DYRK1A: variants seen among roughly 807,000 people sequenced by gnomAD.
The protein encoded by DYRK1A is dual specificity tyrosine phosphorylation regulated kinase 1A.
Under a neutral mutation model 79.7 loss-of-function variants are expected in DYRK1A, and 9 were observed. The observed-to-expected ratio is 0.11, with a 90% CI of 0.07 to 0.20. The LOEUF (loss-of-function observed/expected upper bound fraction) is 0.20. DYRK1A is among the 10% of genes least tolerant of loss of function. The probability of loss-of-function intolerance (pLI) is 1.00; values close to 1 mark genes in which losing one functional copy is unlikely to be tolerated. For missense variants in DYRK1A, 622 were observed against 956.0 expected (o/e 0.65, Z 4.61); for synonymous variants, 349 against 329.7 (o/e 1.06, Z -0.63).
chr21:37,449,654 GT>G (rs2062760536), intron 2 of DYRK1A, among the ~76,000 whole-genome samples: 1 of 152,176 alleles, frequency 6.6e-6, no homozygotes, highest in Admixed American at 6.5e-5. Context: ...CTTTCGTGTG[GT>G]CAAGGTAAAC....
At chr21:37,478,127 A>G in intron 3 of DYRK1A, 81 bp from the exon 4 acceptor site, 1 of 1,585,272 alleles carries the variant, frequency 6.3e-7, no homozygotes, top group East Asian at 2.3e-5. Flanking sequence ...CAGGTTACAG[A>G]AGAGGGAATT....
intron 1 of DYRK1A, among the ~76,000 whole-genome samples, chr21:37,389,015 T>C (rs1287877551): frequency 6.6e-6 from 1 of 151,050 alleles, no homozygotes; most frequent in Non-Finnish European, 1.5e-5. Flanking sequence ...TGGAGTGCAG[T>C]GGCCAAAAAA....
In DYRK1A at chr21:37,386,528, A is replaced by G. The variant is rs370969761; in HGVS notation, c.-77+18900A>G. On this transcript the variant is annotated intron_variant, in intron 1 of 11. Transcript: ENST00000647188. ...TGTGTGCCACACACAACAGTTGGCA[A>G]GCTCTGCCCTATAGGTAATCACTTT... Among the ~76,000 whole-genome samples the G allele has an allele frequency of 1.2e-4, 18 of 152,366 alleles. No individual in the cohort carries two copies. In the East Asian group the frequency reaches 1.4e-3, roughly 11 times the overall value.
intron 1 of DYRK1A, among the ~76,000 whole-genome samples, chr21:37,384,434 G>GTC (rs2049719968): frequency 1.3e-5 from 2 of 152,266 alleles, no homozygotes; most frequent in East Asian, 3.9e-4. Context: ...GAAGAGTTAT[G>GTC]TCTTGGTAGT....
intron 1 of DYRK1A, among the ~76,000 whole-genome samples, chr21:37,389,268 A>AT (rs2049824629): frequency 6.6e-6 from 1 of 151,860 alleles, no homozygotes; most frequent in South Asian, 2.1e-4. Flanking sequence ...GGCTCAGGTG[A>AT]TTTTCCCACC....
In DYRK1A at chr21:37,499,835, A is replaced by C. The variant is rs80030750; in HGVS notation, c.1212+3577A>C. 8.2e-4 allele frequency among the ~76,000 whole-genome samples: 125 copies of C among 152,342 alleles called. No homozygotes were observed. In the East Asian group the frequency reaches 0.023, roughly 28 times the overall value. On this transcript the variant is annotated intron_variant, in intron 9 of 11. Coordinates refer to ENST00000647188, the MANE Select transcript of DYRK1A (RefSeq NM_001347721.2). ...TGAACAATACAGGTTTGAACTGCAC[A>C]GGTCCACTTGTATGCACATTTTTTT...
rs1318803086 is a variant in DYRK1A, at chr21:37,440,158, C to T, written c.10+19774C>T. ...TTTTTTTTTTTTTTTTTTTTTGAGA[C>T]GGAGTTTCACTCTGTTTCCCAGGCT... On this transcript the variant is annotated intron_variant, in intron 2 of 11. Coordinates refer to ENST00000647188, the MANE Select transcript of DYRK1A (RefSeq NM_001347721.2). Among the ~76,000 whole-genome samples, 150 of 17,404 alleles carry T rather than the reference C, an allele frequency of 8.6e-3. 1 individual carries two copies. Among genetic ancestry groups the T allele is most frequent in the African/African-American group, 0.017 (143 of 8,370 alleles). The allele number at this position is 17,404 out of a possible 152,430, so 11.4% of individuals were successfully genotyped here. A position where few individuals can be genotyped will look rare whatever the true frequency, so the allele number is the denominator to read the frequency against.
chr21:37,476,830 C>CCCCCCA (rs2052415227), intron 3 of DYRK1A, among the ~76,000 whole-genome samples: 1 of 148,224 alleles, frequency 6.7e-6, no homozygotes, highest in Non-Finnish European at 1.5e-5. Context: ...CCCCCCCCCC[C>CCCCCCA]AACCTTATTT....
intron 1 of DYRK1A, among the ~76,000 whole-genome samples, chr21:37,380,609 A>G (rs983189685): frequency 6.6e-6 from 1 of 152,180 alleles, no homozygotes; most frequent in Non-Finnish European, 1.5e-5. Flanking sequence ...AGATACAGAC[A>G]TGCAAAGTAA....
intron 1 of DYRK1A, among the ~76,000 whole-genome samples, chr21:37,415,194 TGG>T: frequency 6.6e-6 from 1 of 152,306 alleles, no homozygotes; most frequent in African/African-American, 2.4e-5. Flanking sequence ...AGCCAAAATT[TGG>T]GGCAAAACTC....
chr21:37,366,347 G>A (rs1240832739), upstream of DYRK1A, among the ~76,000 whole-genome samples: 1 of 145,514 alleles, frequency 6.9e-6, no homozygotes, highest in African/African-American at 2.5e-5. Context: ...GGGGCGCTAG[G>A]GCTGCGGGGG....
intron 8 of DYRK1A, among the ~76,000 whole-genome samples, chr21:37,493,957 C>G (rs1227074518): frequency 8.3e-5 from 10 of 120,876 alleles, no homozygotes; most frequent in Non-Finnish European, 1.4e-4. Context: ...TTTTTTTTCC[C>G]GGAGATGGAG....
chr21:37,436,260 AAG>A (rs1334381273), intron 2 of DYRK1A, among the ~76,000 whole-genome samples: 1 of 152,178 alleles, frequency 6.6e-6, no homozygotes, highest in Non-Finnish European at 1.5e-5. Flanking sequence ...AATAAGAAGA[AAG>A]AGCATTTTAG....
chr21:37,438,947 G>A (rs1341128024), intron 2 of DYRK1A, among the ~76,000 whole-genome samples: 1 of 151,928 alleles, frequency 6.6e-6, no homozygotes, highest in South Asian at 2.1e-4. Context: ...TTTTGGACCC[G>A]TGCACATATA....
chr21:37,473,289 A>G (rs2052289953), intron 3 of DYRK1A, among the ~76,000 whole-genome samples: 1 of 152,224 alleles, frequency 6.6e-6, no homozygotes, highest in Non-Finnish European at 1.5e-5. Context: ...TTGTAAAAAT[A>G]AATACAAAAC....
chr21:37,500,908 A>T (rs2053423075), intron 9 of DYRK1A, among the ~76,000 whole-genome samples: 1 of 150,974 alleles, frequency 6.6e-6, no homozygotes, highest in Non-Finnish European at 1.5e-5. Context: ...GCAGACAACC[A>T]GCTTTTGACT....
chr21:37,424,945 A>G (rs1246364609), intron 2 of DYRK1A, among the ~76,000 whole-genome samples: 1 of 152,178 alleles, frequency 6.6e-6, no homozygotes, highest in African/African-American at 2.4e-5. Flanking sequence ...TAAATCTTCA[A>G]CAGGCAAAAA....
intron 9 of DYRK1A, 167 bp from the exon 10 acceptor site, chr21:37,505,116 C>T (rs113661001): frequency 2.5e-5 from 15 of 606,572 alleles, no homozygotes; most frequent in African/African-American, 1.3e-4. Flanking sequence ...CTGTAACTAC[C>T]ATGCATTTGG....
chr21:37,467,747 C>G (rs1271265275), intron 2 of DYRK1A, among the ~76,000 whole-genome samples: 1 of 152,150 alleles, frequency 6.6e-6, no homozygotes, highest in Non-Finnish European at 1.5e-5. Flanking sequence ...AACCATAATA[C>G]TGGAGAAATG....
Sources: allele counts gnomAD v4.1 joint callset (sites outside exome capture counted in the v4.1 genomes callset), GRCh38; gene constraint gnomAD v4.1.1; transcripts MANE v1.5; gene names NCBI Gene and HGNC (gene_info 2026-07-23, HGNC 2026-07-21).